The following BMP3 variants were observed in gnomAD, a reference collection of about 807,000 sequenced individuals.
The protein encoded by BMP3 is bone morphogenetic protein 3 (osteogenic).
A neutral mutation model predicts 38.1 loss-of-function variants in BMP3; 23 were observed. The observed-to-expected ratio is 0.60, with a 90% confidence interval of 0.43 to 0.86. BMP3 has a LOEUF of 0.86. Ranked by LOEUF, BMP3 falls within the 40% of genes least tolerant of loss-of-function variation. The pLI is 0.00. For synonymous variants in BMP3, 258 were observed against 225.7 expected, an observed-to-expected ratio of 1.14 and a Z score of -1.28; for missense variants, 628 against 579.6, an observed-to-expected ratio of 1.08 and a Z score of -0.86.
chr4:81,031,742 C>A, intron 1 of BMP3, 142 bp downstream of exon 1: 1 of 1,063,688 alleles, frequency 9.4e-7, no homozygotes, highest in South Asian at 1.7e-5. Context: ...CCTCTGGATT[C>A]CTCCGTCCAG....
chr4:81,031,340 T>C lies in BMP3; in HGVS notation c.56T>C (p.Leu19Pro). 4 of 1,611,802 alleles carry C rather than the reference T, an allele frequency of 2.5e-6. No homozygotes were observed. Among genetic ancestry groups the C allele is most frequent in the Non-Finnish European group, 3.4e-6 (4 of 1,179,346 alleles). The change falls in exon 1 of 3, where the codon CTG becomes CCG. Residue 19 changes from leucine (L) to proline (P), a missense_variant. Coordinates refer to ENST00000282701, the MANE Select transcript of BMP3 (RefSeq NM_001201.5). ...TGGCTGGGCTGCTTCTGCGTGAGCC[T>C]GGCGCAGGGAGAGAGACCGAAGCCA... ...FLWLGCFCVS[L>P]AQGERPKPPF...
Position 81,053,361 on chromosome 4 carries a change from A to G in BMP3, c.1244A>G (p.Asn415Ser). The G allele has an allele frequency of 6.4e-7, 1 of 1,573,742 alleles. No homozygotes were observed. Among genetic ancestry groups the G allele is most frequent in the East Asian group, 2.3e-5 (1 of 43,342 alleles). The stretch of plus-strand genomic sequence containing the variant: ...TTTCTCTAGTCTTTGAAGCCATCAA[A>G]TCATGCTACCATCCAGAGTATAGTG... The part of the protein sequence containing the change: ...FPMPKSLKPS[N>S]HATIQSIVRA... The change falls in exon 3 of 3, where the codon AAT becomes AGT. Residue 415 changes from asparagine (N) to serine (S), a missense_variant. Coordinates refer to ENST00000282701, the MANE Select transcript of BMP3 (RefSeq NM_001201.5).
chr4:81,045,593 G>A (rs1351562723), intron 1 of BMP3, 145 bp from the exon 2 acceptor site: 2 of 595,810 alleles, frequency 3.4e-6, no homozygotes, highest in African/African-American at 3.8e-5. Context: ...TCAAAGTCAT[G>A]AAGATTTACC....
intron 1 of BMP3, among the ~76,000 whole-genome samples, chr4:81,035,079 G>A (rs1178412822): frequency 1.3e-5 from 2 of 152,022 alleles, no homozygotes; most frequent in African/African-American, 4.8e-5. Context: ...AGTACATCTG[G>A]GGAAGAGGAG....
intron 1 of BMP3, among the ~76,000 whole-genome samples, chr4:81,033,158 T>C (rs1258932998): frequency 6.6e-6 from 1 of 152,246 alleles, no homozygotes; most frequent in Non-Finnish European, 1.5e-5. Flanking sequence ...CTTGGTTATA[T>C]TGCTAGGGAG....
At chr4:81,052,725 A>G (rs1045545962) in intron 2 of BMP3, among the ~76,000 whole-genome samples, 1 of 152,258 alleles carries the variant, frequency 6.6e-6, no homozygotes, top group Non-Finnish European at 1.5e-5. Context: ...GAATAATTAC[A>G]TAGTGGAATA....
Position 81,046,384 on chromosome 4 carries a change from C to G in BMP3, c.963C>G (p.Tyr321Ter). ...KDEVWEERKPYKTLQAQAPEK... is the reference protein window; with the variant it reads ...KDEVWEERKP ...AGGTGTGGGAGGAGAGAAAGCCTTA[C>G]AAGACCCTTCAGGCTCAGGCCCCTG... Residue 321 changes from tyrosine (Y) to a stop codon, truncating the protein, a stop_gained, in exon 2 of 3, where the codon TAC becomes TAG. Transcript: ENST00000282701. LOFTEE classifies it high-confidence loss of function. 2 of 1,613,950 alleles carry G rather than the reference C, an allele frequency of 1.2e-6. No homozygotes were observed. Among genetic ancestry groups the G allele is most frequent in the Non-Finnish European group, 1.7e-6 (2 of 1,179,996 alleles).
intron 1 of BMP3, among the ~76,000 whole-genome samples, chr4:81,042,343 A>C (rs71596047): frequency 0.079 from 12,083 of 152,226 alleles, 590 homozygotes; most frequent in South Asian, 0.24. Context: ...TGTGTGCTTT[A>C]TGTGCCTTCT....
chr4:81,031,586 G>GGGC lies in BMP3; in HGVS notation c.306_308dup (p.Ala105dup). Reference sequence around the variant, plus strand: ...GAAGGCAACACGGTTCGCAGCTTTCGGGCGGCAGCAGCAGGTGAGTGCGCG... The same window carrying GGGC: ...GAAGGCAACACGGTTCGCAGCTTTCGGGCGGCGGCAGCAGCAGGTGAGTGCGCG... On this transcript the variant is annotated inframe_insertion, in exon 1 of 3. Transcript: ENST00000282701. The GGGC allele has an allele frequency of 6.2e-7, 1 of 1,600,034 alleles. No individual in the cohort carries two copies. The highest frequency in any genetic ancestry group is 8.5e-7 in the Non-Finnish European group (1 of 1,174,202).
rs770893094 is a variant in BMP3 at position 81,057,256 on chromosome 4, T to C, written c.*3720T>C. The C allele has an allele frequency of 2.0e-5, 3 of 151,766 alleles. No homozygotes were observed. The highest frequency in any genetic ancestry group is 2.9e-5 in the Non-Finnish European group (2 of 67,900). 9.4% of individuals were successfully genotyped at this position (151,766 alleles called of 1,614,324 possible). On this transcript the variant is annotated 3_prime_UTR_variant, in exon 3 of 3. Coordinates refer to ENST00000282701, the MANE Select transcript of BMP3 (RefSeq NM_001201.5). ...GTATATGGAAAAGGTTCAAAGATGC[T>C]TTTAATTTATTTAATGACTATTGCC...
chr4:81,031,351 G>T lies in BMP3; in HGVS notation c.67G>T (p.Glu23Ter), dbSNP rs764446118. Reference protein sequence around the residue: ...GCFCVSLAQGERPKPPFPELR... With the variant: ...GCFCVSLAQG ...CTTCTGCGTGAGCCTGGCGCAGGGA[G>T]AGAGACCGAAGCCACCTTTCCCGGA... Residue 23 changes from glutamate (E) to a stop codon, truncating the protein, a stop_gained, in exon 1 of 3, where the codon GAG becomes TAG. Transcript: ENST00000282701. LOFTEE classifies it high-confidence loss of function. 6.2e-7 allele frequency: 1 copy of T among 1,612,598 alleles called. No homozygotes were observed. The highest frequency in any genetic ancestry group is 1.1e-5 in the South Asian group (1 of 90,582).
In BMP3 at chr4:81,045,800, A is replaced by G. The variant is rs1013904881; in HGVS notation, c.379A>G (p.Ile127Val). The change falls in exon 2 of 3, where the codon ATT (isoleucine) becomes GTT (valine). Residue 127 changes from isoleucine (I) to valine (V), a missense_variant. Ile to Val is a conservative substitution (Grantham distance 29). Coordinates refer to ENST00000282701, the MANE Select transcript of BMP3 (RefSeq NM_001201.5). ...GACATCGCTAACCAAGTCTGAAAAC[A>G]TTTTGTCTGCCACACTGTATTTCTG... ...NLTSLTKSEN[I>V]LSATLYFCIG... 3 of 1,613,734 alleles carry G rather than the reference A, an allele frequency of 1.9e-6. No individual in the cohort carries two copies. Among genetic ancestry groups the G allele is most frequent in the Admixed American group, 1.7e-5 (1 of 59,930 alleles).
intron 2 of BMP3, among the ~76,000 whole-genome samples, chr4:81,051,084 A>G (rs1232864646): frequency 6.6e-6 from 1 of 152,074 alleles, no homozygotes; most frequent in South Asian, 2.1e-4. Context: ...ACCAATGCAG[A>G]ATCAGGGGCT....
At chr4:81,047,280 A>G (rs1740277186) in intron 2 of BMP3, among the ~76,000 whole-genome samples, 1 of 152,128 alleles carries the variant, frequency 6.6e-6, no homozygotes, top group African/African-American at 2.4e-5. Flanking sequence ...ACTAATTTCA[A>G]CCTTTCGGAG....
chr4:81,039,707 C>T (rs1014466464), intron 1 of BMP3, among the ~76,000 whole-genome samples: 11 of 152,170 alleles, frequency 7.2e-5, no homozygotes, highest in Non-Finnish European at 1.2e-4. Context: ...AGCTTGCTAA[C>T]TCCTAGGGTC....
At position 81,031,537 on chromosome 4, in the gene BMP3, C is replaced by G. The variant is rs752158269; in HGVS notation, c.253C>G (p.Pro85Ala). 1 of 1,610,772 alleles carries G rather than the reference C, an allele frequency of 6.2e-7. No individual in the cohort carries two copies. ...TPGSLEGGSQPWRPRLLREGN... is the reference protein window; with the variant it reads ...TPGSLEGGSQAWRPRLLREGN... ...GGGCTCCCTGGAGGGAGGCTCGCAG[C>G]CCTGGCGCCCTCGGCTCCTGCGCGA... The change falls in exon 1 of 3, where the codon CCC becomes GCC. Residue 85 changes from proline (P) to alanine (A), a missense_variant. Coordinates refer to ENST00000282701, the MANE Select transcript of BMP3 (RefSeq NM_001201.5).
intron 1 of BMP3, among the ~76,000 whole-genome samples, chr4:81,042,391 A>G (rs1453643581): frequency 1.3e-5 from 2 of 152,186 alleles, no homozygotes; most frequent in African/African-American, 4.8e-5. Flanking sequence ...AGTTGCTACT[A>G]CTAGACCCAC....
chr4:81,052,676 G>T (rs1482880520), intron 2 of BMP3, among the ~76,000 whole-genome samples: 1 of 152,028 alleles, frequency 6.6e-6, no homozygotes, highest in Non-Finnish European at 1.5e-5. Flanking sequence ...CCAATGGTGT[G>T]GTCTTCTTAC....
At chr4:81,041,840 AC>A (rs1242463298) in intron 1 of BMP3, among the ~76,000 whole-genome samples, 1 of 151,946 alleles carries the variant, frequency 6.6e-6, no homozygotes, top group Non-Finnish European at 1.5e-5. Context: ...ATTACTTCCT[AC>A]CTGTGTGTTT....
Sources: allele counts gnomAD v4.1 joint callset (sites outside exome capture counted in the v4.1 genomes callset), GRCh38; gene constraint gnomAD v4.1.1; transcripts MANE v1.5; gene names NCBI Gene and HGNC (gene_info 2026-07-23, HGNC 2026-07-21).